The following GAK variants were observed in gnomAD, a reference collection of about 807,000 sequenced individuals.
GAK encodes cyclin G associated kinase.
Under a neutral mutation model 143.9 loss-of-function variants are expected in GAK, and 79 were observed. The ratio of observed to expected loss-of-function variants is 0.55; its 90% CI spans 0.46 to 0.66. The LOEUF (loss-of-function observed/expected upper bound fraction) is 0.66. GAK is among the 30% of genes least tolerant of loss of function. The pLI, the probability that GAK is intolerant of heterozygous loss-of-function variation, is 0.00. For missense variants in GAK, 1,693 were observed against 1,779.7 expected, an observed-to-expected ratio of 0.95 and a Z score of 0.88; for synonymous variants, 881 against 765.5, an observed-to-expected ratio of 1.15 and a Z score of -2.49.
chr4:851,905 G>A lies in GAK; in HGVS notation c.3353C>T (p.Ser1118Phe). ...GGCTGGCGGCCGACTTGTCTGCCAGGAGCTGCTGCCTTTGGGCGTGGTGGC... is the reference window on the plus strand; with the variant it reads ...GGCTGGCGGCCGACTTGTCTGCCAGAAGCTGCTGCCTTTGGGCGTGGTGGC... ...KTATTPKGSS[S>F]WQTSRPPAQG... is the part of the protein sequence containing the mutation. Residue 1118 changes from serine to phenylalanine, a missense_variant, in exon 25 of 28, where the codon TCC (serine) becomes TTC (phenylalanine). Ser to Phe is a radical substitution (Grantham distance 155). Coordinates refer to ENST00000314167, the MANE Select transcript of GAK (RefSeq NM_005255.4). 1 of 1,613,004 alleles carries A rather than the reference G, an allele frequency of 6.2e-7. No individual in the cohort carries two copies. The highest frequency in any genetic ancestry group is 8.5e-7 in the Non-Finnish European group (1 of 1,179,188).
intron 24 of GAK, among the ~76,000 whole-genome samples, chr4:854,521 G>C (rs1271717220): frequency 6.6e-6 from 1 of 152,176 alleles, no homozygotes; most frequent in Non-Finnish European, 1.5e-5. Flanking sequence ...CTGTTCTGTA[G>C]AACGAGGGCT....
In GAK at chr4:932,119, G is replaced by A. The variant is rs1725983297; in HGVS notation, c.69C>T (p.Arg23=). Reference sequence around the variant, plus strand: ...TCTGCCCCACGAAGTCACTCTGGTCGCGGCCGGAAGCACCGCCCAGGGAGC... The same window carrying A: ...TCTGCCCCACGAAGTCACTCTGGTCACGGCCGGAAGCACCGCCCAGGGAGC... ...GPGSLGGASG[R]DQSDFVGQTV... is the part of the protein sequence containing the mutation. The change falls in exon 1 of 28, where the codon CGC becomes CGT. Residue 23 remains arginine, a synonymous_variant. Transcript: ENST00000314167. The surrounding 1 kb of genome is among the most constrained non-coding windows in gnomAD (Gnocchi z 4.0). The A allele has an allele frequency of 6.3e-7, 1 of 1,593,336 alleles. No individual in the cohort carries two copies. The highest frequency in any genetic ancestry group is 1.1e-5 in the South Asian group (1 of 88,962).
intron 1 of GAK, among the ~76,000 whole-genome samples, chr4:916,513 C>G (rs143340703): frequency 6.6e-6 from 1 of 152,158 alleles, no homozygotes; most frequent in Non-Finnish European, 1.5e-5. Context: ...TGAGCCACCA[C>G]GCCCAGAAAA....
chr4:851,900 G>A lies in GAK; in HGVS notation c.3358C>T (p.Gln1120Ter). Residue 1120 changes from glutamine to a stop codon, truncating the protein, a stop_gained, in exon 25 of 28, where the codon CAG becomes TAG. Transcript: ENST00000314167. LOFTEE classifies it high-confidence loss of function. ...ATTPKGSSSW[Q>*]TSRPPAQGAS... Reference sequence around the variant, plus strand: ...CCCTGGGCTGGCGGCCGACTTGTCTGCCAGGAGCTGCTGCCTTTGGGCGTG... The same window carrying A: ...CCCTGGGCTGGCGGCCGACTTGTCTACCAGGAGCTGCTGCCTTTGGGCGTG... The A allele has an allele frequency of 6.2e-7, 1 of 1,612,710 alleles. No homozygotes were observed. The highest frequency in any genetic ancestry group is 8.5e-7 in the Non-Finnish European group (1 of 1,179,004).
At chr4:872,062 T>C (rs1284192787) in intron 18 of GAK, among the ~76,000 whole-genome samples, 1 of 152,138 alleles carries the variant, frequency 6.6e-6, no homozygotes, top group Non-Finnish European at 1.5e-5. Context: ...CAGAGTGGGA[T>C]CCGCCGAGGG....
intron 26 of GAK, 43 bp from the exon 27 acceptor site, chr4:850,111 G>T: frequency 6.6e-7 from 1 of 1,516,600 alleles, no homozygotes; most frequent in Non-Finnish European, 8.9e-7. Context: ...GCACCTGCCT[G>T]CCCTCCTCCT....
At chr4:889,249 CA>C (rs1303170197) in intron 10 of GAK, among the ~76,000 whole-genome samples, 3 of 152,216 alleles carry the variant, frequency 2.0e-5, no homozygotes, top group Non-Finnish European at 1.5e-5. Flanking sequence ...AGGAAATGGT[CA>C]ATCTGGGTGC....
At chr4:888,787 C>T (rs527448008) in intron 11 of GAK, 60 bp downstream of exon 11, 26 of 1,552,008 alleles carry the variant, frequency 1.7e-5, no homozygotes, top group African/African-American at 4.1e-5. Context: ...AAGCAAGGGC[C>T]GGGGCTGCAG....
chr4:910,785 C>T (rs1194978432), intron 4 of GAK, among the ~76,000 whole-genome samples: 8 of 152,324 alleles, frequency 5.3e-5, no homozygotes, highest in Middle Eastern at 3.4e-3. Context: ...AGTGTCACCA[C>T]CCCCTCACCG....
At chr4:859,384 A>T (rs946422579) in intron 24 of GAK, 2 of 1,491,952 alleles carry the variant, frequency 1.3e-6, no homozygotes, top group African/African-American at 1.4e-5. Context: ...GGGGGCTGGC[A>T]GCAGTGCCAG....
intron 4 of GAK, among the ~76,000 whole-genome samples, chr4:910,111 C>A (rs565361952): frequency 6.6e-6 from 1 of 152,280 alleles, no homozygotes; most frequent in South Asian, 2.1e-4. Context: ...AGCCAGGGGC[C>A]CGCAGGCAGT....
chr4:868,322 G>A (rs1711514041), intron 20 of GAK, among the ~76,000 whole-genome samples: 1 of 152,186 alleles, frequency 6.6e-6, no homozygotes, highest in Non-Finnish European at 1.5e-5. Context: ...AGACTTTGTG[G>A]GCATGTTCTT....
intron 24 of GAK, chr4:859,162 G>A (rs1165563187): frequency 2.0e-6 from 2 of 984,350 alleles, no homozygotes; most frequent in African/African-American, 3.5e-5. Flanking sequence ...TGGGACCGGA[G>A]ACTCAGACCA....
rs78619820 is a variant in GAK at position 865,088 on chromosome 4, T to C, written c.3166+34A>G. The C allele has an allele frequency of 7.5e-6, 12 of 1,590,374 alleles. 1 individual carries two copies. The highest frequency in any genetic ancestry group is 1.0e-5 in the Non-Finnish European group (12 of 1,167,722). On this transcript the variant is annotated intron_variant, in intron 23 of 27. Transcript: ENST00000314167. ...AGACGGGCCACAGCAGCTGCACGTC[T>C]GGGAGCCCTGTCCTTGGTGGGTGGT...
intron 15 of GAK, among the ~76,000 whole-genome samples, chr4:881,469 C>T (rs1490571822): frequency 1.3e-5 from 2 of 152,186 alleles, no homozygotes; most frequent in Non-Finnish European, 2.9e-5. Flanking sequence ...CAGGGAGAGC[C>T]TGCTGCGCGC....
Position 867,396 on chromosome 4 carries a change from G to C in GAK, c.2432C>G (p.Ser811Cys). Residue 811 changes from serine (S) to cysteine (C), a missense_variant, in exon 21 of 28, where the codon TCT (serine) becomes TGT (cysteine). This residue lies in a region of GAK where 822 missense variants were observed against 788.7 expected (regional missense o/e 1.04). Coordinates refer to ENST00000314167, the MANE Select transcript of GAK (RefSeq NM_005255.4). ...CAGGGCAGACTCGCTCTCCTTGGAAGAGGCATTTTCTGCACCAGTCTCTGC... is the reference window on the plus strand; with the variant it reads ...CAGGGCAGACTCGCTCTCCTTGGAACAGGCATTTTCTGCACCAGTCTCTGC... Reference protein sequence around the residue: ...KEAETGAENASSKESESALME... With the variant: ...KEAETGAENACSKESESALME... 2 of 1,549,760 alleles carry C rather than the reference G, an allele frequency of 1.3e-6. No individual in the cohort carries two copies. Among genetic ancestry groups the C allele is most frequent in the East Asian group, 4.6e-5 (2 of 43,330 alleles).
rs553580956 is a variant in GAK, at chr4:868,644, A to C, written c.2290T>G (p.Tyr764Asp). ...LPRQPGSTAQYDAGAGSPEAE... is the reference protein window; with the variant it reads ...LPRQPGSTAQDDAGAGSPEAE... ...TCCGGGGACCCTGCCCCAGCATCAT[A>C]CTGAGCCGTGGAGCCAGGCTGCCGG... is the stretch of plus-strand genomic sequence containing the variant. Residue 764 changes from tyrosine to aspartate, a missense_variant, in exon 20 of 28, where the codon TAT (tyrosine) becomes GAT (aspartate). By Grantham distance (160) the Tyr-to-Asp change is radical. Transcript: ENST00000314167. 6.4e-7 allele frequency: 1 copy of C among 1,563,104 alleles called. No individual in the cohort carries two copies. Among genetic ancestry groups the C allele is most frequent in the East Asian group, 2.4e-5 (1 of 41,470 alleles).
chr4:876,851 T>C (rs1047247926), intron 17 of GAK, among the ~76,000 whole-genome samples: 1 of 152,146 alleles, frequency 6.6e-6, no homozygotes, highest in Non-Finnish European at 1.5e-5. Context: ...CTGCCCCAAG[T>C]GGACCCTCAA....
At chr4:849,821 C>CGGGGGGGGGGGGG in intron 27 of GAK, 47 bp from the exon 28 acceptor site, 10 of 1,435,274 alleles carry the variant, frequency 7.0e-6, no homozygotes, top group Non-Finnish European at 9.5e-6. Flanking sequence ...CATGCGGGGG[C>CGGGGGGGGGGGGG]GGGCGGGGCA....
Sources: allele counts gnomAD v4.1 joint callset (sites outside exome capture counted in the v4.1 genomes callset), GRCh38; gene constraint gnomAD v4.1.1; regional missense constraint gnomAD v4.1.1; non-coding constraint Gnocchi (gnomAD v3.1); transcripts MANE v1.5; gene names NCBI Gene and HGNC (gene_info 2026-07-23, HGNC 2026-07-21).